The following ZZEF1 variants were observed in gnomAD, a reference collection of about 807,000 sequenced individuals.
ZZEF1 encodes zinc finger ZZ-type and EF-hand domain-containing protein 1.
Under a neutral mutation model 342.8 loss-of-function variants are expected in ZZEF1, and 157 were observed. The observed-to-expected ratio is 0.46, with a 90% confidence interval of 0.40 to 0.52. ZZEF1 has a LOEUF of 0.52. Ranked by LOEUF, ZZEF1 falls within the 20% of genes least tolerant of loss-of-function variation. ZZEF1 has a pLI of 0.00. For synonymous variants in ZZEF1, 1,505 were observed against 1,429.1 expected, an observed-to-expected ratio of 1.05 and a Z score of -1.20; for missense variants, 3,480 against 3,725.6, an observed-to-expected ratio of 0.93 and a Z score of 1.72.
intron 1 of ZZEF1, among the ~76,000 whole-genome samples, chr17:4,135,700 C>A (rs958883201): frequency 1.3e-5 from 2 of 152,170 alleles, no homozygotes; most frequent in Middle Eastern, 3.2e-3. Flanking sequence ...CAGAGACAAC[C>A]TGCAGATCAC....
Position 4,074,983 on chromosome 17 carries a change from C to T in ZZEF1, c.3483+114G>A, listed in dbSNP as rs536269061. The T allele has an allele frequency of 1.2e-4, 124 of 1,062,888 alleles. 1 individual carries two copies. In the South Asian group the frequency reaches 1.5e-3, roughly 13 times the overall value. 65.8% of individuals were successfully genotyped at this position (1,062,888 alleles called of 1,614,324 possible). On this transcript the variant is annotated intron_variant, in intron 23 of 54. Coordinates refer to ENST00000381638, the MANE Select transcript of ZZEF1 (RefSeq NM_015113.4). ...TGATATAAATCCTTCCTTTCACAAACGTGTAACATAAATGCCTCCCTTCAA... is the reference window on the plus strand; with the variant it reads ...TGATATAAATCCTTCCTTTCACAAATGTGTAACATAAATGCCTCCCTTCAA...
chr17:4,012,284 A>G (rs1393251824), intron 52 of ZZEF1, among the ~76,000 whole-genome samples: 1 of 152,214 alleles, frequency 6.6e-6, no homozygotes, highest in African/African-American at 2.4e-5. Flanking sequence ...CGGGGGTAAC[A>G]GCAAGCATGC....
chr17:4,031,317 A>AAAATAAAAT (rs2056539723), intron 42 of ZZEF1, among the ~76,000 whole-genome samples: 4 of 143,404 alleles, frequency 2.8e-5, no homozygotes, highest in Admixed American at 7.1e-5. Flanking sequence ...CTTGGTCTCA[A>AAAATAAAAT]AAATAAATAA....
intron 52 of ZZEF1, among the ~76,000 whole-genome samples, chr17:4,012,028 C>G (rs62072393): frequency 2.0e-5 from 3 of 152,138 alleles, no homozygotes; most frequent in Non-Finnish European, 4.4e-5. Flanking sequence ...CCTCCGGGCT[C>G]GGGACAGAGG....
At position 4,117,022 on chromosome 17, in the gene ZZEF1, C is replaced by A. The variant is rs751020736; in HGVS notation, c.644G>T (p.Arg215Leu). ...LEHCNNMCTM[R>L]SSVLKESLDQ... The stretch of plus-strand genomic sequence containing the variant: ...CAGAGACTCCTTCAGGACGGAAGAC[C>A]GCATGGTGCACATGTTATTGCAGTG... Residue 215 changes from arginine (R) to leucine (L), a missense_variant, in exon 3 of 55, where the codon CGG becomes CTG. By Grantham distance (102) the Arg-to-Leu change is moderately radical (BLOSUM62 -2). Around this residue, in one of 5 missense-constraint regions of ZZEF1, gnomAD observed 416 missense variants for 374.2 expected, o/e 1.11. Coordinates refer to ENST00000381638, the MANE Select transcript of ZZEF1 (RefSeq NM_015113.4). 14 of 1,613,686 alleles carry A rather than the reference C, an allele frequency of 8.7e-6. No individual in the cohort carries two copies. The highest frequency in any genetic ancestry group is 2.2e-5 in the East Asian group (1 of 44,864).
At position 4,079,699 on chromosome 17, in the gene ZZEF1, G is replaced by C. The variant is rs559770921; in HGVS notation, c.2830-1657C>G. 1.7e-4 allele frequency among the ~76,000 whole-genome samples: 26 copies of C among 152,256 alleles called. No individual in the cohort carries two copies. In the Middle Eastern group the frequency reaches 0.017, roughly 100 times the overall value. ...CAGCCTAAGAGCAACCTTGGCAAAT[G>C]ATAACCTAGGCACCCTACAGGTGCT... On this transcript the variant is annotated intron_variant, in intron 18 of 54. Transcript: ENST00000381638.
intron 18 of ZZEF1, among the ~76,000 whole-genome samples, chr17:4,080,064 C>T (rs2145323731): frequency 6.6e-6 from 1 of 152,272 alleles, no homozygotes; most frequent in Admixed American, 6.5e-5. Flanking sequence ...TTTAGAATCT[C>T]TCGGGGTGCT....
intron 54 of ZZEF1, among the ~76,000 whole-genome samples, chr17:4,007,374 GAGGCCAGGCCCGTC>G: frequency 1.3e-5 from 2 of 152,374 alleles, no homozygotes; most frequent in Admixed American, 1.3e-4. Flanking sequence ...CCCTGGAGGC[GAGGCCAGGCCCGTC>G]AGGCCTTCAG....
chr17:4,038,832 C>CAAAT (rs1465174393), intron 39 of ZZEF1, among the ~76,000 whole-genome samples: 1 of 151,600 alleles, frequency 6.6e-6, no homozygotes, highest in Non-Finnish European at 1.5e-5. Context: ...AACAAACAAA[C>CAAAT]AAACAAAAAA....
At chr17:4,091,786 T>C (rs553665220) in intron 11 of ZZEF1, among the ~76,000 whole-genome samples, 1 of 135,722 alleles carries the variant, frequency 7.4e-6, no homozygotes, top group South Asian at 2.3e-4. Flanking sequence ...CAAAAAAATA[T>C]AAAAATAAGG....
chr17:4,027,286 CTTTTTTTTTTT>C (rs1179743466), intron 42 of ZZEF1, among the ~76,000 whole-genome samples: 8 of 67,982 alleles, frequency 1.2e-4, no homozygotes, highest in African/African-American at 1.3e-4. Flanking sequence ...CAATATCTCA[CTTTTTTTTTTT>C]TTTTTTTTTT....
intron 10 of ZZEF1, 53 bp downstream of exon 10, chr17:4,096,556 A>G (rs2058036997): frequency 6.6e-7 from 1 of 1,519,412 alleles, no homozygotes; most frequent in Non-Finnish European, 9.1e-7. Flanking sequence ...GTACCCATAA[A>G]AATTGAAAAC....
At position 4,032,254 on chromosome 17, in the gene ZZEF1, A is replaced by C; in HGVS notation, c.6764T>G (p.Leu2255Arg). The change falls in exon 42 of 55, where the codon CTC (leucine) becomes CGC (arginine). Residue 2255 changes from leucine (L) to arginine (R), a missense_variant. By Grantham distance (102) the Leu-to-Arg change is moderately radical. Around this residue, in one of 5 missense-constraint regions of ZZEF1, gnomAD observed 1,269 missense variants for 1,342.4 expected, o/e 0.95. Transcript: ENST00000381638. ...ATAAACGCAGCGGGTTCCCACACAG[A>C]GGACCTAGAACGTGGTAGACAGAGA... ...LLVLVGFPQV[L>R]CVGTRCVYMD... The C allele has an allele frequency of 1.9e-6, 3 of 1,611,052 alleles. No homozygotes were observed. The African/African-American group carries it at 4.0e-5, about 22-fold the overall frequency.
intron 1 of ZZEF1, among the ~76,000 whole-genome samples, chr17:4,137,520 G>A (rs953751289): frequency 2.6e-5 from 4 of 152,202 alleles, no homozygotes; most frequent in Non-Finnish European, 4.4e-5. Flanking sequence ...GCTGAGGCAG[G>A]AGAATGGTGT....
chr17:4,058,154 A>G lies in ZZEF1; in HGVS notation c.5005T>C (p.Ser1669Pro). 1 of 1,611,934 alleles carries G rather than the reference A, an allele frequency of 6.2e-7. No homozygotes were observed. Among genetic ancestry groups the G allele is most frequent in the Non-Finnish European group, 8.5e-7 (1 of 1,178,874 alleles). ...ACACAGGATAAGGCAGGGAGCAAGG[A>G]CCTAAAGGGCCATGAAAGTGACCAT... ...VKGFSSLNDRSLLPALSCVQT... is the reference protein window; with the variant it reads ...VKGFSSLNDRPLLPALSCVQT... Residue 1669 changes from serine (S) to proline (P), a missense_variant and splice_region_variant, in exon 32 of 55, where the codon TCC (serine) becomes CCC (proline). Coordinates refer to ENST00000381638, the MANE Select transcript of ZZEF1 (RefSeq NM_015113.4).
At chr17:4,063,675 C>T (rs960431417) in intron 29 of ZZEF1, among the ~76,000 whole-genome samples, 2 of 152,042 alleles carry the variant, frequency 1.3e-5, no homozygotes, top group Non-Finnish European at 2.9e-5. Context: ...GATCCTCCTG[C>T]CTCAGGCTCC....
At chr17:4,037,891 A>C (rs1399584659) in intron 39 of ZZEF1, among the ~76,000 whole-genome samples, 4 of 152,172 alleles carry the variant, frequency 2.6e-5, no homozygotes, top group African/African-American at 9.7e-5. Flanking sequence ...CTATACATTA[A>C]TTCTGATCCT....
At chr17:4,085,389 T>C (rs59599516) in intron 16 of ZZEF1, among the ~76,000 whole-genome samples, 4,351 of 152,168 alleles carry the variant, frequency 0.029, 229 homozygotes, top group African/African-American at 0.098. Flanking sequence ...AGGTAAAATG[T>C]GGAAAAGAAA....
intron 33 of ZZEF1, among the ~76,000 whole-genome samples, chr17:4,055,174 G>T (rs1366580388): frequency 6.6e-6 from 1 of 152,096 alleles, no homozygotes; most frequent in Non-Finnish European, 1.5e-5. Context: ...CTGGAAATGA[G>T]GGATCTAAAT....
Sources: allele counts gnomAD v4.1 joint callset (sites outside exome capture counted in the v4.1 genomes callset), GRCh38; gene constraint gnomAD v4.1.1; regional missense constraint gnomAD v4.1.1; transcripts MANE v1.5; gene names NCBI Gene and HGNC (gene_info 2026-07-23, HGNC 2026-07-21).